EPAS1: variants seen among roughly 807,000 people sequenced by gnomAD.
EPAS1 encodes the protein endothelial PAS domain protein 1.
Under a neutral mutation model 87.9 loss-of-function variants are expected in EPAS1, and 23 were observed. The observed-to-expected ratio is 0.26, with a 90% confidence interval of 0.19 to 0.37. The LOEUF (loss-of-function observed/expected upper bound fraction) is 0.37, where lower values mean the gene tolerates loss of function less well. EPAS1 is among the 10% of genes least tolerant of loss of function. The probability of loss-of-function intolerance (pLI) is 1.00; values close to 1 mark genes in which losing one functional copy is unlikely to be tolerated. For synonymous variants in EPAS1, 508 were observed against 444.3 expected, an observed-to-expected ratio of 1.14 and a Z score of -1.80; for missense variants, 1,138 against 1,120.7, an observed-to-expected ratio of 1.02 and a Z score of -0.22.
chr2:46,306,851 T>C (rs1683116139), intron 1 of EPAS1, among the ~76,000 whole-genome samples: 1 of 152,334 alleles, frequency 6.6e-6, no homozygotes, highest in South Asian at 2.1e-4. Flanking sequence ...CTAGAAATAA[T>C]AGGACTGTGC....
chr2:46,323,508 G>A (rs1005205718), intron 1 of EPAS1, among the ~76,000 whole-genome samples: 2 of 152,040 alleles, frequency 1.3e-5, no homozygotes, highest in Admixed American at 1.3e-4. Flanking sequence ...TTTATCATAC[G>A]GAACTACAAA....
chr2:46,319,493 G>T (rs1199781889), intron 1 of EPAS1, among the ~76,000 whole-genome samples: 1 of 152,162 alleles, frequency 6.6e-6, no homozygotes, highest in African/African-American at 2.4e-5. Context: ...GTATCATTCA[G>T]ATTTGCTGAC....
intron 1 of EPAS1, among the ~76,000 whole-genome samples, chr2:46,339,971 G>C (rs1030891958): frequency 2.0e-5 from 3 of 152,178 alleles, no homozygotes; most frequent in Non-Finnish European, 4.4e-5. Context: ...ATTGGGAGTG[G>C]GGATTTCAAC....
Position 46,346,584 on chromosome 2 carries a change from T to G in EPAS1, c.27-289T>G. On this transcript the variant is annotated intron_variant, in intron 1 of 15. Transcript: ENST00000263734. This position sits in a 1 kb window ranked among gnomAD's most constrained non-coding sequence, Gnocchi z 4.0. ...GGGCTAGGTCCCAGGCATTGGTAGT[T>G]AATTTAATCAGCCAGTCTTTGCCCA... Among the ~76,000 whole-genome samples, 1 of 152,206 alleles carries G rather than the reference T, an allele frequency of 6.6e-6. No homozygotes were observed. Among genetic ancestry groups the G allele is most frequent in the East Asian group, 1.9e-4 (1 of 5,204 alleles).
At chr2:46,337,031 C>T (rs527596716) in intron 1 of EPAS1, among the ~76,000 whole-genome samples, 2 of 152,296 alleles carry the variant, frequency 1.3e-5, no homozygotes, top group African/African-American at 4.8e-5. Flanking sequence ...AATTAAGAGC[C>T]GGGTTAGAAT....
At chr2:46,338,060 G>T (rs1344715279) in intron 1 of EPAS1, among the ~76,000 whole-genome samples, 1 of 152,164 alleles carries the variant, frequency 6.6e-6, no homozygotes, top group Non-Finnish European at 1.5e-5. Flanking sequence ...GCCCAGCTCA[G>T]CTAAATCTTT....
chr2:46,376,943 A>G (rs919186200), intron 9 of EPAS1, among the ~76,000 whole-genome samples, 190 bp downstream of exon 9: 5 of 152,152 alleles, frequency 3.3e-5, no homozygotes, highest in Non-Finnish European at 7.3e-5. Flanking sequence ...TCCTGCCCTG[A>G]TAAGACCATC....
chr2:46,382,277 T>A, intron 14 of EPAS1, 148 bp from the exon 15 acceptor site: 1 of 1,149,612 alleles, frequency 8.7e-7, no homozygotes, highest in Non-Finnish European at 1.3e-6. Flanking sequence ...CACTCTGACT[T>A]AGATGATGCC....
chr2:46,362,237 C>G (rs2103639554), intron 6 of EPAS1, among the ~76,000 whole-genome samples: 1 of 152,346 alleles, frequency 6.6e-6, no homozygotes, highest in Middle Eastern at 3.4e-3. Flanking sequence ...AGGAAACCCT[C>G]AGATCTCAGT....
chr2:46,323,796 T>G (rs1683501204), intron 1 of EPAS1, among the ~76,000 whole-genome samples: 1 of 152,242 alleles, frequency 6.6e-6, no homozygotes, highest in Admixed American at 6.5e-5. Context: ...CCTAGGTCAC[T>G]TGCTCATCTG....
intron 1 of EPAS1, among the ~76,000 whole-genome samples, chr2:46,319,799 T>G (rs1683416801): frequency 1.3e-5 from 2 of 152,252 alleles, no homozygotes; most frequent in Non-Finnish European, 2.9e-5. Context: ...TGGGGATGAT[T>G]GCTTGTGGTT....
At chr2:46,340,090 A>C (rs1683881413) in intron 1 of EPAS1, among the ~76,000 whole-genome samples, 1 of 152,128 alleles carries the variant, frequency 6.6e-6, no homozygotes, top group Non-Finnish European at 1.5e-5. Flanking sequence ...CTGTGTACAC[A>C]CAGCTTTTCC....
chr2:46,299,460 G>T lies in EPAS1; in HGVS notation c.26+1523G>T, dbSNP rs138973949. Among the ~76,000 whole-genome samples, 4 of 152,342 alleles carry T rather than the reference G, an allele frequency of 2.6e-5. No homozygotes were observed. The East Asian group carries it at 7.7e-4, about 29-fold the overall frequency. ...TCCTGGGGTTCCATGTCTTTTGAAG[G>T]CAGCAGAGCAAGGAAAAGACTCTTA... On this transcript the variant is annotated intron_variant, in intron 1 of 15. Transcript: ENST00000263734.
intron 12 of EPAS1, chr2:46,381,361 G>C (rs763865662): frequency 2.8e-5 from 17 of 603,220 alleles, no homozygotes; most frequent in Non-Finnish European, 5.0e-5. Context: ...TGCCCAGCCA[G>C]GCAGCCATCC....
intron 1 of EPAS1, among the ~76,000 whole-genome samples, chr2:46,314,440 C>T (rs1572615966): frequency 6.6e-6 from 1 of 152,212 alleles, no homozygotes; most frequent in Admixed American, 6.5e-5. Flanking sequence ...CTACCCAGCC[C>T]TGGCTATCTC....
chr2:46,371,976 G>A lies in EPAS1; in HGVS notation c.886+2043G>A, dbSNP rs1320288616. 2.0e-5 allele frequency among the ~76,000 whole-genome samples: 3 copies of A among 152,128 alleles called. No individual in the cohort carries two copies. The highest frequency in any genetic ancestry group is 2.9e-5 in the Non-Finnish European group (2 of 68,018). ...TGACTTCTGACTAGGCATATAGAAA[G>A]GATTTTCCCTCTTGTTCTTCTTAGA... On this transcript the variant is annotated intron_variant, in intron 7 of 15. Coordinates refer to ENST00000263734, the MANE Select transcript of EPAS1 (RefSeq NM_001430.5). The surrounding 1 kb of genome is among the most constrained non-coding windows in gnomAD (Gnocchi z 4.3).
intron 6 of EPAS1, among the ~76,000 whole-genome samples, chr2:46,363,414 T>C (rs565053481): frequency 3.3e-4 from 51 of 152,332 alleles, no homozygotes; most frequent in African/African-American, 1.2e-3. Flanking sequence ...AGAGATTTTT[T>C]TTAAGCTTAA....
At position 46,384,695 on chromosome 2, in the gene EPAS1, C is replaced by T. The variant is rs754228888; in HGVS notation, c.*35C>T. On this transcript the variant is annotated 3_prime_UTR_variant, in exon 16 of 16. Coordinates refer to ENST00000263734, the MANE Select transcript of EPAS1 (RefSeq NM_001430.5). Reference sequence around the variant, plus strand: ...TCTACCTGGGCAGCACCTCTGCCGACGCCGTCCCACCAGCTTCACTCTCTC... The same window carrying T: ...TCTACCTGGGCAGCACCTCTGCCGATGCCGTCCCACCAGCTTCACTCTCTC... 24 of 1,609,036 alleles carry T rather than the reference C, an allele frequency of 1.5e-5. No individual in the cohort carries two copies. Among genetic ancestry groups the T allele is most frequent in the Admixed American group, 3.4e-5 (2 of 59,614 alleles).
In EPAS1 at chr2:46,373,667, G is replaced by A. The variant is rs958617502; in HGVS notation, c.887-2023G>A. ...ACTGCCCAGAGGCATAAAAAATGGG[G>A]TGGTGGGGGCGGTGATGGAAAAGTG... On this transcript the variant is annotated intron_variant, in intron 7 of 15. Transcript: ENST00000263734. Among the ~76,000 whole-genome samples the A allele has an allele frequency of 2.0e-5, 3 of 152,210 alleles. No individual in the cohort carries two copies. In the South Asian group the frequency reaches 6.2e-4, roughly 32 times the overall value.
Sources: allele counts gnomAD v4.1 joint callset (sites outside exome capture counted in the v4.1 genomes callset), GRCh38; gene constraint gnomAD v4.1.1; non-coding constraint Gnocchi (gnomAD v3.1); transcripts MANE v1.5; gene names NCBI Gene and HGNC (gene_info 2026-07-23, HGNC 2026-07-21).